Variants in LRRC4C observed in about 807,000 individuals in gnomAD.
LRRC4C encodes the protein leucine rich repeat containing 4C.
In LRRC4C, 5 loss-of-function variants were observed where a neutral mutation model predicts 33.6. That is an observed-to-expected ratio of 0.15 (90% CI 0.08 to 0.31). The LOEUF (loss-of-function observed/expected upper bound fraction) is 0.31. Ranked by LOEUF, LRRC4C falls within the 10% of genes least tolerant of loss-of-function variation. The pLI, the probability that LRRC4C is intolerant of heterozygous loss-of-function variation, is 1.00. For missense variants in LRRC4C, 560 were observed against 796.7 expected (o/e 0.70, Z 3.58); for synonymous variants, 329 against 302.0 (o/e 1.09, Z -0.93).
chr11:40,291,111 G>C (rs1012363816), intron 4 of LRRC4C, among the ~76,000 whole-genome samples: 11 of 151,984 alleles, frequency 7.2e-5, no homozygotes, highest in Admixed American at 1.3e-4. Context: ...CTTCTGGCTC[G>C]AAAGTTATAT....
chr11:40,540,264 G>A (rs1455848597), intron 3 of LRRC4C, among the ~76,000 whole-genome samples: 2 of 152,114 alleles, frequency 1.3e-5, no homozygotes, highest in African/African-American at 4.8e-5. Context: ...CTGTTGTAGC[G>A]CTGGCAGTTC....
intron 3 of LRRC4C, among the ~76,000 whole-genome samples, chr11:40,588,454 G>T (rs1280396748): frequency 6.6e-6 from 1 of 151,544 alleles, no homozygotes; most frequent in Non-Finnish European, 1.5e-5. Context: ...TTTTTTGAAG[G>T]GTTTTTTGTG....
chr11:40,462,723 G>A lies in LRRC4C; in HGVS notation c.-269-143002C>T, dbSNP rs188619248. Among the ~76,000 whole-genome samples, 187 of 152,122 alleles carry A rather than the reference G, an allele frequency of 1.2e-3. 1 individual carries two copies. Among genetic ancestry groups the A allele is most frequent in the African/African-American group, 4.4e-3 (182 of 41,524 alleles). On this transcript the variant is annotated intron_variant, in intron 3 of 6. Coordinates refer to ENST00000528697, the MANE Select transcript of LRRC4C (RefSeq NM_001258419.2). Reference sequence around the variant, plus strand: ...TAAAAAAGATTGGAAGCAGCAAGGAGAGCTACTGACTCACACCAATATAAA... The same window carrying A: ...TAAAAAAGATTGGAAGCAGCAAGGAAAGCTACTGACTCACACCAATATAAA...
intron 2 of LRRC4C, among the ~76,000 whole-genome samples, chr11:40,919,999 C>G (rs1267340842): frequency 6.6e-6 from 1 of 151,940 alleles, no homozygotes; most frequent in African/African-American, 2.4e-5. Flanking sequence ...CCATAATATC[C>G]CTACTAAGGG....
chr11:40,299,148 A>G (rs1944653551), intron 4 of LRRC4C, among the ~76,000 whole-genome samples: 1 of 152,228 alleles, frequency 6.6e-6, no homozygotes, highest in South Asian at 2.1e-4. Context: ...TGCTGGAAAG[A>G]AAATGTCCAC....
At chr11:40,128,735 T>C (rs1394691336) in intron 6 of LRRC4C, among the ~76,000 whole-genome samples, 1 of 152,122 alleles carries the variant, frequency 6.6e-6, no homozygotes, top group African/African-American at 2.4e-5. Context: ...TTCAGCCTTG[T>C]TCCCGCCTCA....
intron 5 of LRRC4C, among the ~76,000 whole-genome samples, chr11:40,169,917 A>G (rs1859908480): frequency 6.6e-6 from 1 of 152,174 alleles, no homozygotes; most frequent in African/African-American, 2.4e-5. Context: ...GGAAGTTTTC[A>G]ATTGGTCTTC....
At chr11:40,539,557 T>C (rs999643359) in intron 3 of LRRC4C, among the ~76,000 whole-genome samples, 1 of 152,224 alleles carries the variant, frequency 6.6e-6, no homozygotes. Flanking sequence ...GTGTGCTGAA[T>C]TTGAATATAC....
chr11:40,835,407 G>GCTAA (rs1277505102), intron 2 of LRRC4C, among the ~76,000 whole-genome samples: 1 of 152,134 alleles, frequency 6.6e-6, no homozygotes, highest in African/African-American at 2.4e-5. Flanking sequence ...AGAGACTGAT[G>GCTAA]CTAAGTTCAC....
At chr11:40,844,265 A>C (rs1162853770) in intron 2 of LRRC4C, among the ~76,000 whole-genome samples, 1 of 152,140 alleles carries the variant, frequency 6.6e-6, no homozygotes, top group Non-Finnish European at 1.5e-5. Flanking sequence ...AAATAAAAAA[A>C]ATACAGCGGT....
At chr11:40,428,379 C>T (rs1185586391) in intron 3 of LRRC4C, among the ~76,000 whole-genome samples, 2 of 152,146 alleles carry the variant, frequency 1.3e-5, no homozygotes, top group Admixed American at 6.6e-5. Flanking sequence ...TATCCTTAGT[C>T]TCAGTTTTCC....
intron 2 of LRRC4C, among the ~76,000 whole-genome samples, chr11:40,774,489 C>G (rs1187971742): frequency 6.6e-6 from 1 of 152,064 alleles, no homozygotes; most frequent in Non-Finnish European, 1.5e-5. Context: ...GGATAATATA[C>G]AGATGAATAT....
At chr11:40,553,822 C>T (rs758282957) in intron 3 of LRRC4C, among the ~76,000 whole-genome samples, 8 of 152,068 alleles carry the variant, frequency 5.3e-5, no homozygotes, top group East Asian at 3.8e-4. Flanking sequence ...TTAAGTTCCT[C>T]GTAGATTCTA....
At chr11:40,236,580 A>C (rs1033836964) in intron 5 of LRRC4C, among the ~76,000 whole-genome samples, 8 of 152,160 alleles carry the variant, frequency 5.3e-5, no homozygotes, top group African/African-American at 1.9e-4. Flanking sequence ...AGGATTATGA[A>C]CAGAATATAG....
Position 40,463,433 on chromosome 11 carries a change from T to C in LRRC4C, c.-269-143712A>G, listed in dbSNP as rs1175803676. 4.6e-5 allele frequency among the ~76,000 whole-genome samples: 7 copies of C among 151,942 alleles called. No homozygotes were observed. In the East Asian group the frequency reaches 1.4e-3, roughly 30 times the overall value. On this transcript the variant is annotated intron_variant, in intron 3 of 6. Transcript: ENST00000528697. ...GCAAATGCTTACTATAGATACTGAGTTTAATTTAAATTTGCAATAAAAAGA... is the reference window on the plus strand; with the variant it reads ...GCAAATGCTTACTATAGATACTGAGCTTAATTTAAATTTGCAATAAAAAGA...
chr11:40,474,414 C>G (rs1953105571), intron 3 of LRRC4C, among the ~76,000 whole-genome samples: 2 of 152,110 alleles, frequency 1.3e-5, no homozygotes, highest in Non-Finnish European at 2.9e-5. Context: ...TTCCCCACAT[C>G]TTATAAAAAA....
chr11:40,724,197 CA>C (rs1190808454), intron 2 of LRRC4C, among the ~76,000 whole-genome samples: 5 of 152,110 alleles, frequency 3.3e-5, no homozygotes, highest in Non-Finnish European at 7.4e-5. Context: ...TTAGACAGAT[CA>C]CTGAGAAAGA....
chr11:41,266,801 C>T (rs1271355098), intron 1 of LRRC4C, among the ~76,000 whole-genome samples: 1 of 152,138 alleles, frequency 6.6e-6, no homozygotes. Flanking sequence ...AGTCTCCCTT[C>T]TCTTGTTTTC....
At chr11:40,572,067 T>C (rs924727591) in intron 3 of LRRC4C, among the ~76,000 whole-genome samples, 4 of 152,192 alleles carry the variant, frequency 2.6e-5, no homozygotes, top group Admixed American at 6.6e-5. Context: ...CTTTAACAAA[T>C]GACTATCGGT....
Sources: allele counts gnomAD v4.1 joint callset (sites outside exome capture counted in the v4.1 genomes callset), GRCh38; gene constraint gnomAD v4.1.1; transcripts MANE v1.5; gene names NCBI Gene and HGNC (gene_info 2026-07-23, HGNC 2026-07-21).